The following ROBO2 variants were observed in gnomAD, a reference collection of about 807,000 sequenced individuals.
The protein encoded by ROBO2 is roundabout guidance receptor 2, also known as roundabout homolog 2.
In ROBO2, 53 loss-of-function variants were observed where a neutral mutation model predicts 160.8. The observed-to-expected ratio is 0.33, with a 90% CI of 0.26 to 0.41. The LOEUF is 0.41. ROBO2 is among the 10% of genes least tolerant of loss of function. The probability of loss-of-function intolerance (pLI) is 1.00; values close to 1 mark genes in which losing one functional copy is unlikely to be tolerated. For synonymous variants in ROBO2, 664 were observed against 611.7 expected (o/e 1.09, Z -1.26); for missense variants, 1,577 against 1,722.4 (o/e 0.92, Z 1.49).
intron 2 of ROBO2, among the ~76,000 whole-genome samples, chr3:76,449,823 CATTTT>C (rs1442199457): frequency 6.6e-6 from 1 of 151,988 alleles, no homozygotes; most frequent in East Asian, 1.9e-4. Context: ...CACGAATAAA[CATTTT>C]AGAGAGGTTG....
intron 2 of ROBO2, among the ~76,000 whole-genome samples, chr3:77,328,279 G>T (rs145638942): frequency 3.7e-4 from 56 of 152,074 alleles, no homozygotes; most frequent in African/African-American, 1.3e-3. Context: ...GTTGAGTTGA[G>T]GAATTAACCA....
chr3:76,894,086 C>T (rs557264095), intron 2 of ROBO2, among the ~76,000 whole-genome samples: 19 of 152,012 alleles, frequency 1.2e-4, no homozygotes, highest in Non-Finnish European at 2.4e-4. Context: ...CTTTTGAAGT[C>T]TTGGTCTGTA....
chr3:77,288,184 G>C (rs2060743635), intron 2 of ROBO2, among the ~76,000 whole-genome samples: 1 of 152,168 alleles, frequency 6.6e-6, no homozygotes, highest in African/African-American at 2.4e-5. Flanking sequence ...ATTGTTTTTA[G>C]AAATTGTGGG....
intron 2 of ROBO2, among the ~76,000 whole-genome samples, chr3:77,325,368 C>T (rs1581082662): frequency 6.6e-6 from 1 of 152,224 alleles, no homozygotes; most frequent in South Asian, 2.1e-4. Context: ...TGAATGTTAC[C>T]TTATAGAACG....
intron 2 of ROBO2, among the ~76,000 whole-genome samples, chr3:76,997,401 G>A (rs2149400977): frequency 6.6e-6 from 1 of 152,204 alleles, no homozygotes; most frequent in African/African-American, 2.4e-5. Context: ...AGTATAATAT[G>A]TGAAGTCAGT....
intron 1 of ROBO2, among the ~76,000 whole-genome samples, chr3:77,075,481 G>T (rs1236947560): frequency 6.6e-6 from 1 of 152,032 alleles, no homozygotes; most frequent in Non-Finnish European, 1.5e-5. Context: ...TAGGGGAGAG[G>T]TGCTCCTAGT....
At chr3:76,399,595 A>C (rs895245212) in intron 2 of ROBO2, among the ~76,000 whole-genome samples, 1 of 151,778 alleles carries the variant, frequency 6.6e-6, no homozygotes. Flanking sequence ...AAATGAGATC[A>C]GTAAAATAGT....
chr3:77,449,467 T>A (rs1186427470), intron 2 of ROBO2, among the ~76,000 whole-genome samples: 1 of 152,084 alleles, frequency 6.6e-6, no homozygotes, highest in Admixed American at 6.6e-5. Context: ...GAACAAAATA[T>A]GCGTTCATTT....
chr3:75,983,544 A>G (rs2065334855), intron 2 of ROBO2, among the ~76,000 whole-genome samples: 1 of 151,516 alleles, frequency 6.6e-6, no homozygotes, highest in Non-Finnish European at 1.5e-5. Context: ...ATTTGATGGT[A>G]TCTAACATTT....
intron 2 of ROBO2, among the ~76,000 whole-genome samples, chr3:76,086,395 A>G (rs988348907): frequency 2.0e-5 from 3 of 152,300 alleles, no homozygotes; most frequent in South Asian, 4.1e-4. Flanking sequence ...CTACAGTTCA[A>G]TATGAGATTT....
chr3:77,131,109 T>C (rs2075817170), intron 2 of ROBO2, among the ~76,000 whole-genome samples: 1 of 152,134 alleles, frequency 6.6e-6, no homozygotes, highest in Non-Finnish European at 1.5e-5. Context: ...AGATCCAGCA[T>C]ATTCTCTATG....
exon 20 of ROBO2, chr3:77,602,467 C>T (rs747347367): frequency 6.2e-7 from 1 of 1,614,096 alleles, no homozygotes; most frequent in South Asian, 1.1e-5. Flanking sequence ...TTATTCTCTA[C>T]CTGATCAGAA....
At chr3:76,330,282 A>T (rs1169828271) in intron 2 of ROBO2, among the ~76,000 whole-genome samples, 3 of 152,356 alleles carry the variant, frequency 2.0e-5, no homozygotes, top group African/African-American at 4.8e-5. Flanking sequence ...TCAAAGTGGC[A>T]GAAGGATTAA....
At chr3:75,975,102 C>G (rs1333951613) in intron 2 of ROBO2, among the ~76,000 whole-genome samples, 2 of 151,346 alleles carry the variant, frequency 1.3e-5, no homozygotes, top group Non-Finnish European at 3.0e-5. Flanking sequence ...AAGATACATA[C>G]TTCGGGATTA....
intron 2 of ROBO2, among the ~76,000 whole-genome samples, chr3:77,377,279 A>G (rs1274099115): frequency 6.6e-6 from 1 of 152,198 alleles, no homozygotes; most frequent in Non-Finnish European, 1.5e-5. Flanking sequence ...TAGCCCATCC[A>G]TTGCTCTTTC....
chr3:77,028,473 TG>T (rs1470967336), intron 2 of ROBO2, among the ~76,000 whole-genome samples: 12 of 152,270 alleles, frequency 7.9e-5, no homozygotes, highest in Non-Finnish European at 2.9e-5. Context: ...CCCAGCACTT[TG>T]GGAGACTGAG....
At chr3:77,173,637 G>A (rs1042425267) in intron 2 of ROBO2, among the ~76,000 whole-genome samples, 4 of 151,878 alleles carry the variant, frequency 2.6e-5, no homozygotes, top group African/African-American at 7.3e-5. Flanking sequence ...ATTTTTTTAC[G>A]TAGAAGACAT....
chr3:77,122,603 A>C (rs2074889877), intron 2 of ROBO2, among the ~76,000 whole-genome samples: 1 of 152,218 alleles, frequency 6.6e-6, no homozygotes, highest in Non-Finnish European at 1.5e-5. Flanking sequence ...ACTCATAGTA[A>C]ACCCATAGAG....
chr3:76,158,276 C>T (rs889276350), intron 2 of ROBO2, among the ~76,000 whole-genome samples: 19 of 152,088 alleles, frequency 1.2e-4, no homozygotes, highest in Non-Finnish European at 2.2e-4. Context: ...TCTTTCTCTC[C>T]ATCCTCTCTG....
Sources: gnomAD v4.1 joint callset for allele counts (sites outside exome capture counted in the v4.1 genomes callset) on GRCh38, gnomAD v4.1.1 for gene constraint, MANE v1.5 for transcripts, NCBI Gene and HGNC (gene_info 2026-07-23, HGNC 2026-07-21) for gene names.